Variants in UNC5D observed in about 807,000 individuals in gnomAD.
UNC5D encodes the protein unc-5 netrin receptor D.
In UNC5D, 39 loss-of-function variants were observed where a neutral mutation model predicts 105.4. The ratio of observed to expected loss-of-function variants is 0.37; its 90% CI spans 0.29 to 0.48. UNC5D has a LOEUF of 0.48. UNC5D is among the 20% of genes least tolerant of loss of function. The pLI is 0.98. For missense variants in UNC5D, 991 were observed against 1,202.4 expected (o/e 0.82, Z 2.60); for synonymous variants, 452 against 450.4 (o/e 1.00, Z -0.04).
At chr8:35,747,587 G>A (rs2131629805) in intron 11 of UNC5D, among the ~76,000 whole-genome samples, 1 of 152,106 alleles carries the variant, frequency 6.6e-6, no homozygotes, top group Non-Finnish European at 1.5e-5. Flanking sequence ...AGCAAACAAA[G>A]GATCAAATAG....
chr8:35,730,920 T>C, intron 10 of UNC5D, 92 bp from the exon 11 acceptor site: 1 of 1,109,494 alleles, frequency 9.0e-7, no homozygotes, highest in Non-Finnish European at 1.3e-6. Context: ...AGAAAGTAGC[T>C]TGTTTTCCAG....
chr8:35,616,809 G>A (rs1238099140), intron 4 of UNC5D, among the ~76,000 whole-genome samples: 1 of 152,220 alleles, frequency 6.6e-6, no homozygotes, highest in Non-Finnish European at 1.5e-5. Flanking sequence ...CGATTTGGAG[G>A]AAAGATCCGA....
chr8:35,281,468 C>T, intron 1 of UNC5D, among the ~76,000 whole-genome samples: 1 of 149,136 alleles, frequency 6.7e-6, no homozygotes, highest in East Asian at 2.0e-4. Context: ...GAGATGGAGT[C>T]TCGCTCTGTC....
At chr8:35,381,623 T>C (rs1315190622) in intron 1 of UNC5D, among the ~76,000 whole-genome samples, 4 of 152,180 alleles carry the variant, frequency 2.6e-5, no homozygotes, top group Non-Finnish European at 5.9e-5. Flanking sequence ...GTTTCATTAG[T>C]GTCATTAGAA....
At chr8:35,741,020 C>T (rs1266958286) in intron 11 of UNC5D, among the ~76,000 whole-genome samples, 3 of 152,164 alleles carry the variant, frequency 2.0e-5, no homozygotes. Flanking sequence ...CTCCCATCCT[C>T]CTCACTCTCA....
intron 4 of UNC5D, among the ~76,000 whole-genome samples, chr8:35,600,540 T>C (rs1202727093): frequency 3.3e-5 from 5 of 152,228 alleles, no homozygotes; most frequent in Admixed American, 3.3e-4. Context: ...TGCATTTCTC[T>C]GATGGCCAGT....
At chr8:35,670,503 A>G (rs1012891817) in intron 4 of UNC5D, among the ~76,000 whole-genome samples, 1 of 152,178 alleles carries the variant, frequency 6.6e-6, no homozygotes, top group African/African-American at 2.4e-5. Flanking sequence ...TGTGGTGCAT[A>G]TATACCATGC....
At position 35,317,919 on chromosome 8, in the gene UNC5D, G is replaced by C. The variant is rs541202203; in HGVS notation, c.103+82032G>C. 5.7e-3 allele frequency among the ~76,000 whole-genome samples: 516 copies of C among 90,298 alleles called. 6 individuals carry two copies. Among genetic ancestry groups the C allele is most frequent in the African/African-American group, 0.015 (501 of 32,854 alleles). The allele number at this position is 90,298 out of a possible 152,430, so 59.2% of individuals were successfully genotyped here. A position where few individuals can be genotyped will look rare whatever the true frequency, so the allele number is the denominator to read the frequency against. On this transcript the variant is annotated intron_variant, in intron 1 of 16. Coordinates refer to ENST00000404895, the MANE Select transcript of UNC5D (RefSeq NM_080872.4). Reference sequence around the variant, plus strand: ...GGTTGTGTCTTTTGGTCGGTATGAGGACAGGCACTGCCAACCCTTGTTCTA... The same window carrying C: ...GGTTGTGTCTTTTGGTCGGTATGAGCACAGGCACTGCCAACCCTTGTTCTA...
chr8:35,285,789 C>T (rs1806552289), intron 1 of UNC5D, among the ~76,000 whole-genome samples: 1 of 152,080 alleles, frequency 6.6e-6, no homozygotes, highest in South Asian at 2.1e-4. Context: ...CAGATTAATT[C>T]CCTTATGCAT....
At chr8:35,743,723 G>A (rs541570433) in intron 11 of UNC5D, among the ~76,000 whole-genome samples, 9 of 151,756 alleles carry the variant, frequency 5.9e-5, no homozygotes, top group Non-Finnish European at 7.4e-5. Context: ...TTCTGTATTT[G>A]TCTCTCTCCT....
chr8:35,759,536 G>T, intron 14 of UNC5D, 67 bp downstream of exon 14: 2 of 1,537,034 alleles, frequency 1.3e-6, no homozygotes, highest in Non-Finnish European at 1.8e-6. Context: ...CACAGATCCT[G>T]GCAAGGGTCT....
chr8:35,406,305 A>C (rs970972954), intron 1 of UNC5D, among the ~76,000 whole-genome samples: 3 of 152,218 alleles, frequency 2.0e-5, no homozygotes, highest in Non-Finnish European at 4.4e-5. Flanking sequence ...GGTATTGACA[A>C]ATTGCACATA....
At chr8:35,674,610 A>G (rs186391020) in intron 4 of UNC5D, among the ~76,000 whole-genome samples, 6 of 152,340 alleles carry the variant, frequency 3.9e-5, no homozygotes, top group African/African-American at 1.4e-4. Context: ...AGGCTGGGAA[A>G]TAATCCATTT....
intron 1 of UNC5D, among the ~76,000 whole-genome samples, chr8:35,425,236 T>C (rs1806165343): frequency 6.6e-6 from 1 of 152,114 alleles, no homozygotes. Context: ...CAAAGGTGAA[T>C]GTTAGGGAAT....
chr8:35,533,537 G>C (rs1355245476), intron 1 of UNC5D, among the ~76,000 whole-genome samples: 2 of 152,228 alleles, frequency 1.3e-5, no homozygotes, highest in Non-Finnish European at 2.9e-5. Flanking sequence ...GGAGCCTACA[G>C]AGGCAGGCAG....
At chr8:35,303,865 T>C (rs893073421) in intron 1 of UNC5D, among the ~76,000 whole-genome samples, 1 of 152,172 alleles carries the variant, frequency 6.6e-6, no homozygotes, top group African/African-American at 2.4e-5. Context: ...GCCATTTTAC[T>C]CAGGAGGCTT....
intron 1 of UNC5D, among the ~76,000 whole-genome samples, chr8:35,355,932 G>A (rs1429371809): frequency 1.3e-5 from 2 of 152,004 alleles, no homozygotes; most frequent in Admixed American, 6.6e-5. Flanking sequence ...CTAAACCTGG[G>A]GAGTCTTGAT....
chr8:35,249,379 G>A (rs908343300), intron 1 of UNC5D, among the ~76,000 whole-genome samples: 5 of 149,212 alleles, frequency 3.4e-5, no homozygotes, highest in South Asian at 2.1e-4. Context: ...CTAACATGGC[G>A]AAACCCCATC....
chr8:35,618,695 G>T (rs1411542321), intron 4 of UNC5D, among the ~76,000 whole-genome samples: 1 of 152,076 alleles, frequency 6.6e-6, no homozygotes, highest in African/African-American at 2.4e-5. Context: ...ATTTTTCATT[G>T]TACAGATGTG....
Sources: allele counts gnomAD v4.1 joint callset (sites outside exome capture counted in the v4.1 genomes callset), GRCh38; gene constraint gnomAD v4.1.1; transcripts MANE v1.5; gene names NCBI Gene and HGNC (gene_info 2026-07-23, HGNC 2026-07-21).